SLC9A2: variants seen among roughly 807,000 people sequenced by gnomAD.
SLC9A2 encodes solute carrier family 9 member A2, also known as sodium/hydrogen exchanger 2.
SLC9A2 carries 42 observed loss-of-function variants against 71.7 expected under a neutral mutation model. That is an observed-to-expected ratio of 0.59 (90% CI 0.46 to 0.76). SLC9A2 has a LOEUF of 0.76. Among genes scored for constraint, SLC9A2 ranks in the 30% least tolerant of loss-of-function variants. The pLI, the probability that SLC9A2 is intolerant of heterozygous loss-of-function variation, is 0.00. For synonymous variants in SLC9A2, 396 were observed against 392.5 expected, an observed-to-expected ratio of 1.01 and a Z score of -0.10; for missense variants, 829 against 1,017.4, an observed-to-expected ratio of 0.81 and a Z score of 2.52.
chr2:102,704,497 G>C (rs2104556455), intron 9 of SLC9A2, 47 bp from the exon 10 acceptor site: 1 of 1,580,924 alleles, frequency 6.3e-7, no homozygotes, highest in Non-Finnish European at 8.6e-7. Context: ...GAAATGATCA[G>C]GTTTTTGTTT....
Position 102,695,001 on chromosome 2 carries a change from T to C in SLC9A2, c.1516-42T>C, listed in dbSNP as rs143618925. 9.3e-4 allele frequency: 1,405 copies of C among 1,515,740 alleles called. 14 individuals carry two copies. The African/African-American group carries it at 0.017, about 19-fold the overall frequency. 93.9% of individuals were successfully genotyped at this position (1,515,740 alleles called of 1,614,324 possible). A position where few individuals can be genotyped will look rare whatever the true frequency, so the allele number is the denominator to read the frequency against. On this transcript the variant is annotated intron_variant, in intron 6 of 11. Transcript: ENST00000233969. ...ACAAGTAGAGTGAAAATTATTGATT[T>C]CAGGTAAAGACTAATCAATTTGCCT...
At chr2:102,646,220 A>C (rs1385676151) in intron 1 of SLC9A2, among the ~76,000 whole-genome samples, 2 of 152,238 alleles carry the variant, frequency 1.3e-5, no homozygotes, top group East Asian at 3.8e-4. Context: ...TAAGCGAAGG[A>C]GAAATAAAAT....
Position 102,630,482 on chromosome 2 carries a change from T to G in SLC9A2, c.289+10345T>G, listed in dbSNP as rs559017710. ...ACTTATGTCTCTGGTTTTATTTAAG[T>G]TTTTTAAATTGTTTTTGATATTCTG... On this transcript the variant is annotated intron_variant, in intron 1 of 11. Transcript: ENST00000233969. Among the ~76,000 whole-genome samples, 51 of 150,838 alleles carry G rather than the reference T, an allele frequency of 3.4e-4. No individual in the cohort carries two copies. In the South Asian group the frequency reaches 7.0e-3, roughly 21 times the overall value.
At position 102,689,739 on chromosome 2, in the gene SLC9A2, G is replaced by A. The variant is rs1331816011; in HGVS notation, c.1426-4675G>A. On this transcript the variant is annotated intron_variant, in intron 5 of 11. Coordinates refer to ENST00000233969, the MANE Select transcript of SLC9A2 (RefSeq NM_003048.6). ...AAAAGTTTAGGATATGAGAAGAAGA[G>A]CAGTATAAGACAGTTCCATGTGTTT... 5.3e-5 allele frequency: 8 copies of A among 152,296 alleles called. No individual in the cohort carries two copies. The East Asian group carries it at 1.5e-3, about 29-fold the overall frequency. The allele number at this position is 152,296 out of a possible 1,614,324, so 9.4% of individuals were successfully genotyped here.
At chr2:102,632,045 C>CATATATATAT (rs1282543860) in intron 1 of SLC9A2, among the ~76,000 whole-genome samples, 2 of 97,104 alleles carry the variant, frequency 2.1e-5, no homozygotes, top group African/African-American at 8.0e-5. Context: ...TATACATACA[C>CATATATATAT]ACACACATAT....
chr2:102,650,784 C>T lies in SLC9A2; in HGVS notation c.290-6780C>T, dbSNP rs371396853. Among the ~76,000 whole-genome samples, 312 of 152,200 alleles carry T rather than the reference C, an allele frequency of 2.0e-3. 1 individual carries two copies. The highest frequency in any genetic ancestry group is 0.014 in the Middle Eastern group (4 of 294). The stretch of plus-strand genomic sequence containing the variant: ...TTATGGGGTTAATAAGAACATATGG[C>T]GATGTGTTTAGCAGTGGTGTGGGGG... On this transcript the variant is annotated intron_variant, in intron 1 of 11. Coordinates refer to ENST00000233969, the MANE Select transcript of SLC9A2 (RefSeq NM_003048.6).
At chr2:102,668,309 A>G (rs978283044) in intron 3 of SLC9A2, among the ~76,000 whole-genome samples, 1 of 152,106 alleles carries the variant, frequency 6.6e-6, no homozygotes, top group Non-Finnish European at 1.5e-5. Flanking sequence ...TGCCATTCAA[A>G]ACTTGACTGT....
intron 1 of SLC9A2, among the ~76,000 whole-genome samples, chr2:102,648,803 A>G (rs6736737): frequency 0.066 from 10,067 of 152,214 alleles, 1,074 homozygotes; most frequent in African/African-American, 0.23. Context: ...CTTCAAGATA[A>G]CTACAGACCA....
intron 1 of SLC9A2, among the ~76,000 whole-genome samples, chr2:102,640,415 A>G (rs1437953872): frequency 1.3e-5 from 2 of 152,212 alleles, no homozygotes; most frequent in Non-Finnish European, 2.9e-5. Flanking sequence ...TCAGATGACC[A>G]TCAAAAGTCC....
In SLC9A2 at chr2:102,657,714, C is replaced by A; in HGVS notation, c.440C>A (p.Pro147Gln). 6.2e-7 allele frequency: 1 copy of A among 1,614,220 alleles called. No homozygotes were observed. Among genetic ancestry groups the A allele is most frequent in the Non-Finnish European group, 8.5e-7 (1 of 1,180,032 alleles). ...KTDVFFLYLLPPIVLDAGYFM... is the reference protein window; with the variant it reads ...KTDVFFLYLLQPIVLDAGYFM... ...GATGTATTTTTCTTGTACCTCCTCC[C>A]ACCCATCGTGCTGGATGCCGGCTAT... Residue 147 changes from proline (P) to glutamine (Q), a missense_variant, in exon 2 of 12, where the codon CCA (proline) becomes CAA (glutamine). Transcript: ENST00000233969.
At position 102,699,892 on chromosome 2, in the gene SLC9A2, C is replaced by T. The variant is rs190225736; in HGVS notation, c.1587-1178C>T. On this transcript the variant is annotated intron_variant, in intron 7 of 11. Transcript: ENST00000233969. ...CCCTCTCTCTGTATGTTTTGGAATC[C>T]AAACCTCTTCTTTTTATAAGTACAC... Among the ~76,000 whole-genome samples the T allele has an allele frequency of 7.9e-5, 12 of 152,152 alleles. No homozygotes were observed. The East Asian group carries it at 2.3e-3, about 29-fold the overall frequency.
intron 3 of SLC9A2, among the ~76,000 whole-genome samples, chr2:102,677,116 A>G (rs1677358295): frequency 6.6e-6 from 1 of 152,250 alleles, no homozygotes; most frequent in African/African-American, 2.4e-5. Flanking sequence ...ATTAGTCCAT[A>G]GTCTCAAAGC....
intron 1 of SLC9A2, among the ~76,000 whole-genome samples, chr2:102,634,982 C>T (rs1038217704): frequency 6.6e-6 from 1 of 152,220 alleles, no homozygotes; most frequent in African/African-American, 2.4e-5. Flanking sequence ...ACAGATGCAT[C>T]AGCTCACACA....
At chr2:102,658,700 CA>C (rs1257846113) in intron 2 of SLC9A2, among the ~76,000 whole-genome samples, 1 of 151,954 alleles carries the variant, frequency 6.6e-6, no homozygotes, top group Non-Finnish European at 1.5e-5. Flanking sequence ...TAATTAGAGT[CA>C]GGGGCTGTTA....
rs1491352314 is a variant in SLC9A2, at chr2:102,695,800, T to TATAATATATATTATATATATATTA, written c.1586+687_1586+688insATAATATATATTATATATATATTA. 5.4e-5 allele frequency among the ~76,000 whole-genome samples: 5 copies of TATAATATATATTATATATATATTA among 93,010 alleles called. 1 individual carries two copies. Among genetic ancestry groups the TATAATATATATTATATATATATTA allele is most frequent in the African/African-American group, 2.0e-4 (5 of 25,576 alleles). The allele number at this position is 93,010 out of a possible 152,430, so 61.0% of individuals were successfully genotyped here. A position where few individuals can be genotyped will look rare whatever the true frequency, so the allele number is the denominator to read the frequency against. On this transcript the variant is annotated intron_variant, in intron 7 of 11. Coordinates refer to ENST00000233969, the MANE Select transcript of SLC9A2 (RefSeq NM_003048.6). ...ATATTATATATATATTATATATATA[T>TATAATATATATTATATATATATTA]TATATATATATATAATATATATATA...
intron 5 of SLC9A2, among the ~76,000 whole-genome samples, chr2:102,685,012 T>A (rs991526042): frequency 6.6e-6 from 1 of 152,174 alleles, no homozygotes; most frequent in African/African-American, 2.4e-5. Context: ...TAGAGCATGT[T>A]AGAAGGTGGA....
chr2:102,701,321 T>C, intron 8 of SLC9A2, 90 bp downstream of exon 8: 1 of 1,026,408 alleles, frequency 9.7e-7, no homozygotes. Flanking sequence ...AAAAAAATTA[T>C]TATTAATTGA....
At position 102,620,045 on chromosome 2, in the gene SLC9A2, G is replaced by T. The variant is rs1370036281; in HGVS notation, c.197G>T (p.Ser66Ile). 1 of 1,613,992 alleles carries T rather than the reference G, an allele frequency of 6.2e-7. No individual in the cohort carries two copies. The highest frequency in any genetic ancestry group is 1.3e-5 in the African/African-American group (1 of 74,944). Residue 66 changes from serine (S) to isoleucine (I), a missense_variant, in exon 1 of 12, where the codon AGC (serine) becomes ATC (isoleucine). Coordinates refer to ENST00000233969, the MANE Select transcript of SLC9A2 (RefSeq NM_003048.6). ...VAPGTTLFEE[S>I]RLPVFTLDYP... is the part of the protein sequence containing the mutation. ...CCCGGAACGACGCTGTTCGAGGAGA[G>T]CCGGCTGCCTGTGTTTACGCTGGAT...
chr2:102,672,973 T>G (rs1054720024), intron 3 of SLC9A2, among the ~76,000 whole-genome samples: 1 of 151,946 alleles, frequency 6.6e-6, no homozygotes, highest in Non-Finnish European at 1.5e-5. Context: ...TATATTAAGG[T>G]CTATAGGTCT....
Sources: gnomAD v4.1 joint callset for allele counts (sites outside exome capture counted in the v4.1 genomes callset) on GRCh38, gnomAD v4.1.1 for gene constraint, MANE v1.5 for transcripts, NCBI Gene and HGNC (gene_info 2026-07-23, HGNC 2026-07-21) for gene names.